The following SYNE1 variants were observed in gnomAD, a reference collection of about 807,000 sequenced individuals.
SYNE1 encodes the protein nesprin-1.
SYNE1 carries 616 observed loss-of-function variants against 1,111.0 expected under a neutral mutation model. The ratio of observed to expected loss-of-function variants is 0.55; its 90% CI spans 0.52 to 0.59. The LOEUF (loss-of-function observed/expected upper bound fraction) is 0.59. Ranked by LOEUF, SYNE1 falls within the 20% of genes least tolerant of loss-of-function variation. The pLI is 0.00. For synonymous variants in SYNE1, 3,855 were observed against 3,825.8 expected, an observed-to-expected ratio of 1.01 and a Z score of -0.28; for missense variants, 10,006 against 10,417.0, an observed-to-expected ratio of 0.96 and a Z score of 1.72.
At position 152,359,446 on chromosome 6, in the gene SYNE1, C is replaced by T. The variant is rs550171329; in HGVS notation, c.10312G>A (p.Glu3438Lys). The part of the protein sequence containing the change: ...MLGKAKLLNE[E>K]VLSYSSLLET... ...AGCAAGCTGCTGTAACTCAGCACTT[C>T]TTCATTTAATAACTAGAGAGCATTT... The change falls in exon 65 of 146, where the codon GAA (glutamate) becomes AAA (lysine). Residue 3438 changes from glutamate (E) to lysine (K), a missense_variant. By Grantham distance (56) the Glu-to-Lys change is moderately conservative. Transcript: ENST00000367255. 9.1e-5 allele frequency: 147 copies of T among 1,614,068 alleles called. No individual in the cohort carries two copies. The highest frequency in any genetic ancestry group is 1.2e-4 in the Non-Finnish European group (142 of 1,180,044).
intron 74 of SYNE1, among the ~76,000 whole-genome samples, chr6:152,342,989 A>G (rs969221333): frequency 6.6e-6 from 1 of 152,104 alleles, no homozygotes; most frequent in African/African-American, 2.4e-5. Context: ...TTTGCATTTC[A>G]TTATAACTTT....
At chr6:152,449,747 T>C in intron 27 of SYNE1, 106 bp from the exon 28 acceptor site, 2 of 898,772 alleles carry the variant, frequency 2.2e-6, no homozygotes, top group Non-Finnish European at 3.6e-6. Context: ...ATTAAGTGAT[T>C]ACCAAATTGA....
intron 111 of SYNE1, 21 bp downstream of exon 111, chr6:152,234,647 G>A: frequency 6.2e-7 from 1 of 1,614,060 alleles, no homozygotes; most frequent in African/African-American, 1.3e-5. Context: ...TGAATCAAAT[G>A]CTTTAGATTC....
At chr6:152,274,481 T>C (rs754243287) in intron 98 of SYNE1, among the ~76,000 whole-genome samples, 1 of 151,940 alleles carries the variant, frequency 6.6e-6, no homozygotes, top group Non-Finnish European at 1.5e-5. Flanking sequence ...GTGTTACTCA[T>C]TCCTCCCTGT....
rs773777247 is a variant in SYNE1, at chr6:152,325,134, C to G, written c.15607G>C (p.Glu5203Gln). ...TCCACTGCATCTTCCAGGATCTTCT[C>G]CTGGTCCTGGGCCACAGCTCGAAGG... ...TRLRAVAQDQ[E>Q]KILEDAVDEW... is the part of the protein sequence containing the mutation. Residue 5203 changes from glutamate to glutamine, a missense_variant, in exon 81 of 146, where the codon GAG becomes CAG. Around this residue, in one of 7 missense-constraint regions of SYNE1, gnomAD observed 4,955 missense variants for 5,017.2 expected, o/e 0.99. Transcript: ENST00000367255. 1.9e-6 allele frequency: 3 copies of G among 1,614,078 alleles called. No individual in the cohort carries two copies. The African/African-American group carries it at 4.0e-5, about 22-fold the overall frequency.
intron 7 of SYNE1, 56 bp downstream of exon 7, chr6:152,510,955 C>T (rs1269628723): frequency 6.7e-7 from 1 of 1,499,666 alleles, no homozygotes; most frequent in Non-Finnish European, 9.3e-7. Flanking sequence ...AAAATGGCCA[C>T]CATGATCTCC....
rs1417956844 is a variant in SYNE1 at position 152,278,299 on chromosome 6, G to T, written c.18382-19C>A. The T allele has an allele frequency of 1.2e-6, 2 of 1,613,378 alleles. No individual in the cohort carries two copies. Among genetic ancestry groups the T allele is most frequent in the East Asian group, 2.2e-5 (1 of 44,892 alleles). ...GCATATTCTGCAGCAACAGAAATAA[G>T]AATGAAACTCACACATCTCCCCAGC... On this transcript the variant is annotated intron_variant, in intron 97 of 145. Coordinates refer to ENST00000367255, the MANE Select transcript of SYNE1 (RefSeq NM_182961.4).
intron 105 of SYNE1, among the ~76,000 whole-genome samples, chr6:152,245,705 C>T (rs1562470547): frequency 6.6e-6 from 1 of 152,250 alleles, no homozygotes; most frequent in East Asian, 1.9e-4. Context: ...TCTCCACCAC[C>T]CACTTCAGAG....
At chr6:152,509,397 C>T (rs2099074051) in intron 8 of SYNE1, among the ~76,000 whole-genome samples, 1 of 151,872 alleles carries the variant, frequency 6.6e-6, no homozygotes, top group South Asian at 2.1e-4. Flanking sequence ...GCTGGGATTA[C>T]AGGCACGCGC....
At chr6:152,568,703 G>A (rs954770902) in intron 3 of SYNE1, among the ~76,000 whole-genome samples, 18 of 151,930 alleles carry the variant, frequency 1.2e-4, no homozygotes, top group African/African-American at 4.1e-4. Context: ...CCAACTCCTC[G>A]TCTCAGGGAT....
At chr6:152,407,764 T>C (rs1168667470) in intron 44 of SYNE1, among the ~76,000 whole-genome samples, 2 of 50,484 alleles carry the variant, frequency 4.0e-5, no homozygotes, top group Non-Finnish European at 8.0e-5. Flanking sequence ...AGAATGTTCT[T>C]TTTTTTTTTT....
intron 95 of SYNE1, among the ~76,000 whole-genome samples, chr6:152,291,683 A>C (rs1021149580): frequency 2.0e-5 from 3 of 152,024 alleles, no homozygotes; most frequent in African/African-American, 7.2e-5. Context: ...TGCAGCTCCT[A>C]ACTATTGTGG....
Position 152,352,288 on chromosome 6 carries a change from C to A in SYNE1, c.11319G>T (p.Arg3773Ser), listed in dbSNP as rs201507067. The change falls in exon 70 of 146, where the codon AGG becomes AGT. Residue 3773 changes from arginine (R) to serine (S), a missense_variant. By Grantham distance (110) the Arg-to-Ser change is moderately radical. This residue lies in a region of SYNE1 where 4,955 missense variants were observed against 5,017.2 expected (regional missense o/e 0.99). Transcript: ENST00000367255. The stretch of plus-strand genomic sequence containing the variant: ...CGCCTTCCTCCAAGTATTTAACAGC[C>A]CTCTCTCCTTTCTCCCGGGCTGATT... ...LLKSAREKGERAVKYLEEGEA... is the reference protein window; with the variant it reads ...LLKSAREKGESAVKYLEEGEA... The A allele has an allele frequency of 6.2e-7, 1 of 1,614,146 alleles. No homozygotes were observed. The highest frequency in any genetic ancestry group is 8.5e-7 in the Non-Finnish European group (1 of 1,180,032).
At chr6:152,404,091 T>G (rs2097858423) in intron 46 of SYNE1, 122 bp downstream of exon 46, 2 of 572,720 alleles carry the variant, frequency 3.5e-6, no homozygotes, top group Non-Finnish European at 3.0e-6. Context: ...ATATACGAGA[T>G]ATAGATATAT....
rs753177718 is a variant in SYNE1 at position 152,232,111 on chromosome 6, A to G, written c.20862+5T>C. 4.5e-6 allele frequency: 7 copies of G among 1,563,686 alleles called. No homozygotes were observed. The East Asian group carries it at 1.6e-4, about 35-fold the overall frequency. On this transcript the variant is annotated splice_donor_5th_base_variant and intron_variant, in intron 113 of 145. Transcript: ENST00000367255. ...GAAAAGTTAAAAACAAAAAATTTTAATTACCTTATATTTCTGAAGGTATTC... is the reference window on the plus strand; with the variant it reads ...GAAAAGTTAAAAACAAAAAATTTTAGTTACCTTATATTTCTGAAGGTATTC...
intron 3 of SYNE1, among the ~76,000 whole-genome samples, chr6:152,547,201 G>T (rs1227722221): frequency 2.0e-5 from 3 of 152,224 alleles, no homozygotes; most frequent in African/African-American, 7.2e-5. Flanking sequence ...AAGATTTGGT[G>T]GTGGTTTGTT....
At chr6:152,162,526 C>T (rs962663216) in intron 131 of SYNE1, among the ~76,000 whole-genome samples, 1 of 152,206 alleles carries the variant, frequency 6.6e-6, no homozygotes, top group African/African-American at 2.4e-5. Context: ...CATTTCAACT[C>T]ATCACTATAG....
chr6:152,205,434 T>C (rs919463173), intron 126 of SYNE1, among the ~76,000 whole-genome samples: 4 of 152,242 alleles, frequency 2.6e-5, no homozygotes, highest in African/African-American at 9.6e-5. Context: ...GGTGAAATTA[T>C]ATACCCACTC....
chr6:152,540,171 A>T (rs573277244), intron 3 of SYNE1, 150 bp from the exon 4 acceptor site: 5 of 782,608 alleles, frequency 6.4e-6, no homozygotes, highest in Non-Finnish European at 1.1e-5. Flanking sequence ...AAAAGTCAAC[A>T]AGAGTCGATC....
Sources: gnomAD v4.1 joint callset for allele counts (sites outside exome capture counted in the v4.1 genomes callset) on GRCh38, gnomAD v4.1.1 for gene constraint, gnomAD v4.1.1 regional missense constraint, MANE v1.5 for transcripts, NCBI Gene and HGNC (gene_info 2026-07-23, HGNC 2026-07-21) for gene names.